Variants in LEPR observed in about 807,000 individuals in gnomAD.
LEPR encodes leptin receptor, also known as OB receptor.
Under a neutral mutation model 114.7 loss-of-function variants are expected in LEPR, and 56 were observed. The observed-to-expected ratio is 0.49, with a 90% CI of 0.39 to 0.61. LEPR has a LOEUF of 0.61. Among genes scored for constraint, LEPR ranks in the 20% least tolerant of loss-of-function variants. LEPR has a pLI of 0.00. For synonymous variants in LEPR, 443 were observed against 461.4 expected (o/e 0.96, Z 0.51); for missense variants, 1,202 against 1,352.9 (o/e 0.89, Z 1.75).
chr1:65,640,129 A>G lies in LEPR; in HGVS notation c.*3114A>G, dbSNP rs779122642. 1.3e-5 allele frequency: 2 copies of G among 152,144 alleles called. No individual in the cohort carries two copies. Among genetic ancestry groups the G allele is most frequent in the Admixed American group, 6.5e-5 (1 of 15,274 alleles). The allele number at this position is 152,144 out of a possible 1,614,324, so 9.4% of individuals were successfully genotyped here. On this transcript the variant is annotated 3_prime_UTR_variant, in exon 20 of 20. Transcript: ENST00000349533. ...TATTCTCTCTTCCATAATATCATAT[A>G]TATGGTCACATTACTTCAGGAATAT...
intron 2 of LEPR, among the ~76,000 whole-genome samples, chr1:65,529,309 A>C (rs548638648): frequency 4.6e-5 from 7 of 152,090 alleles, no homozygotes; most frequent in African/African-American, 1.4e-4. Flanking sequence ...TCACAAGGTC[A>C]GGAGTTCAAG....
At chr1:65,519,935 C>T (rs530337212) in intron 2 of LEPR, among the ~76,000 whole-genome samples, 1 of 152,194 alleles carries the variant, frequency 6.6e-6, no homozygotes, top group African/African-American at 2.4e-5. Context: ...ATGATCTCAG[C>T]TCACTGCAAC....
At chr1:65,455,536 C>T (rs1398150602) in intron 2 of LEPR, among the ~76,000 whole-genome samples, 4 of 152,102 alleles carry the variant, frequency 2.6e-5, no homozygotes, top group Admixed American at 1.3e-4. Flanking sequence ...TTGGAGTACC[C>T]GGCCATGTGA....
rs1444652551 is a variant in LEPR, at chr1:65,451,022, G to A, written c.-21+25644G>A. On this transcript the variant is annotated intron_variant, in intron 2 of 19. Coordinates refer to ENST00000349533, the MANE Select transcript of LEPR (RefSeq NM_002303.6). ...TGGTTTTGATTTGCATTTCTCTGAT[G>A]GCCAGTGATGGTGAGCATTTTTTCA... Among the ~76,000 whole-genome samples the A allele has an allele frequency of 4.8e-3, 724 of 149,972 alleles. 7 individuals are homozygous for A. Among genetic ancestry groups the A allele is most frequent in the African/African-American group, 0.017 (698 of 41,170 alleles).
rs540487528 is a variant in LEPR at position 65,544,402 on chromosome 1, T to C, written c.-20-21144T>C. Among the ~76,000 whole-genome samples the C allele has an allele frequency of 2.1e-4, 31 of 151,084 alleles. No homozygotes were observed. In the South Asian group the frequency reaches 6.2e-3, roughly 30 times the overall value. On this transcript the variant is annotated intron_variant, in intron 2 of 19. Coordinates refer to ENST00000349533, the MANE Select transcript of LEPR (RefSeq NM_002303.6). ...TCCTCTGCAAACAGAGACAATTTGA[T>C]TTCCTCTCTTCCTATTTGAATACCC...
intron 5 of LEPR, among the ~76,000 whole-genome samples, chr1:65,587,819 A>G (rs928951988): frequency 2.0e-5 from 3 of 152,098 alleles, no homozygotes; most frequent in Non-Finnish European, 4.4e-5. Context: ...TTAGTGGGGT[A>G]TGCAGAGAAA....
Position 65,569,707 on chromosome 1 carries a change from TAAAAAAAAAAA to T in LEPR, c.41-748_41-738del, listed in dbSNP as rs199787348. On this transcript the variant is annotated intron_variant, in intron 3 of 19. Transcript: ENST00000349533. The stretch of plus-strand genomic sequence containing the variant: ...GAGCAACAAGAGCGAAATTCCATCT[TAAAAAAAAAAA>T]AAAAAAAAAAAAAAAAAGACAAGGT... 5.7e-3 allele frequency among the ~76,000 whole-genome samples: 526 copies of T among 92,478 alleles called. 9 individuals are homozygous for T. Among genetic ancestry groups the T allele is most frequent in the East Asian group, 0.021 (93 of 4,532 alleles). 60.7% of individuals were successfully genotyped at this position (92,478 alleles called of 152,430 possible). A position where few individuals can be genotyped will look rare whatever the true frequency, so the allele number is the denominator to read the frequency against.
At chr1:65,570,961 T>C (rs2100805985) in intron 4 of LEPR, among the ~76,000 whole-genome samples, 159 bp downstream of exon 4, 1 of 152,342 alleles carries the variant, frequency 6.6e-6, no homozygotes, top group South Asian at 2.1e-4. Context: ...TAATAAATAA[T>C]TTCCAAATTA....
intron 11 of LEPR, among the ~76,000 whole-genome samples, chr1:65,606,383 G>A (rs2100953978): frequency 6.6e-6 from 1 of 152,182 alleles, no homozygotes. Context: ...AATAACCTAT[G>A]GTGTTATCCT....
At chr1:65,489,457 A>G (rs1647751856) in intron 2 of LEPR, among the ~76,000 whole-genome samples, 1 of 152,056 alleles carries the variant, frequency 6.6e-6, no homozygotes, top group African/African-American at 2.4e-5. Flanking sequence ...CCATTTGTAA[A>G]TTGGATTATT....
intron 2 of LEPR, among the ~76,000 whole-genome samples, chr1:65,555,954 A>G (rs149036456): frequency 6.6e-6 from 1 of 152,298 alleles, no homozygotes; most frequent in East Asian, 1.9e-4. Context: ...TTAACTGTCA[A>G]CAGAGAATGA....
chr1:65,427,075 C>A (rs1453974486), intron 2 of LEPR, among the ~76,000 whole-genome samples: 1 of 151,978 alleles, frequency 6.6e-6, no homozygotes, highest in East Asian at 1.9e-4. Context: ...AATTCAAATC[C>A]ATCACCGCAG....
At chr1:65,625,724 A>G (rs1658165790) in intron 19 of LEPR, among the ~76,000 whole-genome samples, 2 of 152,148 alleles carry the variant, frequency 1.3e-5, no homozygotes, top group Admixed American at 1.3e-4. Flanking sequence ...ATCATTAACT[A>G]GGTTTTGAGG....
At chr1:65,591,293 TTG>T (rs1655677923) in intron 5 of LEPR, among the ~76,000 whole-genome samples, 1 of 152,096 alleles carries the variant, frequency 6.6e-6, no homozygotes, top group Non-Finnish European at 1.5e-5. Context: ...CATTCTGCTA[TTG>T]TTGCATGGAG....
chr1:65,602,017 C>G, intron 10 of LEPR, 57 bp downstream of exon 10: 1 of 1,428,728 alleles, frequency 7.0e-7, no homozygotes, highest in East Asian at 2.3e-5. Context: ...TAAAAATTTT[C>G]TTTAGAAATA....
intron 2 of LEPR, among the ~76,000 whole-genome samples, chr1:65,481,712 A>G (rs1647245236): frequency 6.6e-6 from 1 of 151,992 alleles, no homozygotes; most frequent in Admixed American, 6.6e-5. Flanking sequence ...AGGAATTAAT[A>G]CATCATTATC....
At chr1:65,494,852 TG>T (rs1006161499) in intron 2 of LEPR, among the ~76,000 whole-genome samples, 52 of 152,218 alleles carry the variant, frequency 3.4e-4, no homozygotes, top group Middle Eastern at 3.4e-3. Context: ...TATCATGACC[TG>T]GGGCTATGAT....
At chr1:65,455,045 G>A (rs575701612) in intron 2 of LEPR, among the ~76,000 whole-genome samples, 22 of 151,940 alleles carry the variant, frequency 1.4e-4, no homozygotes, top group East Asian at 1.4e-3. Flanking sequence ...ATCTTCCATC[G>A]CTGATACCCT....
intron 2 of LEPR, among the ~76,000 whole-genome samples, chr1:65,515,994 C>T (rs1649265859): frequency 6.6e-6 from 1 of 152,128 alleles, no homozygotes; most frequent in South Asian, 2.1e-4. Context: ...TTTTAAAGTA[C>T]TTTTCTTTTA....
Sources: allele counts gnomAD v4.1 joint callset (sites outside exome capture counted in the v4.1 genomes callset), GRCh38; gene constraint gnomAD v4.1.1; transcripts MANE v1.5; gene names NCBI Gene and HGNC (gene_info 2026-07-23, HGNC 2026-07-21).